Variants in C1QTNF7 observed in about 807,000 individuals in gnomAD.
The protein encoded by C1QTNF7 is complement C1q tumor necrosis factor-related protein 7.
In C1QTNF7, 15 loss-of-function variants were observed where a neutral mutation model predicts 19.6. That is an observed-to-expected ratio of 0.76 (90% CI 0.51 to 1.18). The LOEUF (loss-of-function observed/expected upper bound fraction) is 1.18, where lower values mean the gene tolerates loss of function less well. Among genes scored for constraint, C1QTNF7 ranks in the 50% most tolerant of loss-of-function variants. The probability of loss-of-function intolerance (pLI) is 0.00; values close to 1 mark genes in which losing one functional copy is unlikely to be tolerated. For synonymous variants in C1QTNF7, 142 were observed against 137.5 expected (o/e 1.03, Z -0.23); for missense variants, 324 against 359.7 (o/e 0.90, Z 0.80).
chr4:15,355,588 C>CA (rs966168522), intron 1 of C1QTNF7, among the ~76,000 whole-genome samples: 2,088 of 144,718 alleles, frequency 0.014, 131 homozygotes, highest in Admixed American at 0.1. Flanking sequence ...CTTTTCTCAT[C>CA]AAAAAAAAAA....
At chr4:15,382,924 G>A (rs1251867034) in intron 1 of C1QTNF7, among the ~76,000 whole-genome samples, 1 of 152,124 alleles carries the variant, frequency 6.6e-6, no homozygotes, top group Non-Finnish European at 1.5e-5. Flanking sequence ...CATGTTCATT[G>A]AACAAATACT....
At chr4:15,368,220 G>A (rs1162555480) in intron 1 of C1QTNF7, among the ~76,000 whole-genome samples, 5 of 152,002 alleles carry the variant, frequency 3.3e-5, no homozygotes, top group Admixed American at 6.6e-5. Flanking sequence ...AGAGTCACCC[G>A]TGTGGTTGGA....
Position 15,412,909 on chromosome 4 carries a change from T to A in C1QTNF7, c.14-22827T>A, listed in dbSNP as rs188199964. Among the ~76,000 whole-genome samples the A allele has an allele frequency of 5.3e-5, 8 of 152,316 alleles. No individual in the cohort carries two copies. The East Asian group carries it at 1.2e-3, about 22-fold the overall frequency. On this transcript the variant is annotated intron_variant, in intron 1 of 2. Coordinates refer to the C1QTNF7 transcript ENST00000295297. ...CAATCCCTCTCAGTTTTTGAGCCCC[T>A]AATACGTTCCACAGACTGTTCACCT... is the stretch of plus-strand genomic sequence containing the variant.
At position 15,435,889 on chromosome 4, in the gene C1QTNF7, A is replaced by G; in HGVS notation, c.146A>G (p.Asn49Ser). 3 of 1,613,972 alleles carry G rather than the reference A, an allele frequency of 1.9e-6. No homozygotes were observed. Among genetic ancestry groups the G allele is most frequent in the Non-Finnish European group, 2.5e-6 (3 of 1,179,978 alleles). ...GGACCTCCAGGGCCCCCTGGAGCAA[A>G]TGGTTCCCCTGGGCCCCATGGTCGC... ...LPGPPGPPGA[N>S]GSPGPHGRIG... The change falls in exon 2 of 3, where the codon AAT (asparagine) becomes AGT (serine). Residue 49 changes from asparagine (N) to serine (S), a missense_variant. Coordinates refer to ENST00000444304, the MANE Select transcript of C1QTNF7 (RefSeq NM_031911.5).
intron 1 of C1QTNF7, among the ~76,000 whole-genome samples, chr4:15,366,608 T>G (rs905015538): frequency 2.6e-5 from 4 of 152,188 alleles, no homozygotes; most frequent in Non-Finnish European, 5.9e-5. Context: ...CTTCCTTCTT[T>G]TTTTCCTTCC....
At chr4:15,391,268 C>T (rs1718546603) in intron 1 of C1QTNF7, among the ~76,000 whole-genome samples, 1 of 151,964 alleles carries the variant, frequency 6.6e-6, no homozygotes, top group Non-Finnish European at 1.5e-5. Flanking sequence ...GTAGAGAAGA[C>T]TCCTGGACTC....
intron 2 of C1QTNF7, among the ~76,000 whole-genome samples, chr4:15,436,944 G>C (rs1220594766): frequency 6.6e-6 from 1 of 152,178 alleles, no homozygotes; most frequent in Non-Finnish European, 1.5e-5. Flanking sequence ...TTCTGAATTT[G>C]CCATGCGGAT....
At chr4:15,363,393 C>T (rs758111564) in intron 1 of C1QTNF7, among the ~76,000 whole-genome samples, 2 of 152,120 alleles carry the variant, frequency 1.3e-5, no homozygotes, top group Non-Finnish European at 2.9e-5. Flanking sequence ...GTTCCTCCAT[C>T]CTGGTATGCA....
intron 1 of C1QTNF7, among the ~76,000 whole-genome samples, chr4:15,341,655 C>T (rs189972335): frequency 1.8e-4 from 28 of 152,302 alleles, no homozygotes; most frequent in African/African-American, 6.3e-4. Context: ...GCCTATAGAA[C>T]ATTAAGAAAG....
chr4:15,442,515 T>C lies in C1QTNF7; in HGVS notation c.586T>C (p.Ser196Pro). 1 of 1,614,204 alleles carries C rather than the reference T, an allele frequency of 6.2e-7. No individual in the cohort carries two copies. The highest frequency in any genetic ancestry group is 8.5e-7 in the Non-Finnish European group (1 of 1,180,028). Residue 196 changes from serine to proline, a missense_variant, in exon 3 of 3, where the codon TCT (serine) becomes CCT (proline). Coordinates refer to ENST00000444304, the MANE Select transcript of C1QTNF7 (RefSeq NM_031911.5). ...TGCTTTCCCAGGGATCTATTACTTT[T>C]CTTATGATATCACATTGGCTAATAA... The part of the protein sequence containing the change: ...ICAFPGIYYF[S>P]YDITLANKHL...
chr4:15,374,327 C>T (rs1487208582), intron 1 of C1QTNF7: 1 of 154,256 alleles, frequency 6.5e-6, no homozygotes, highest in East Asian at 1.9e-4. Flanking sequence ...CTTTGAAGAC[C>T]AGTCAGAGGT....
intron 1 of C1QTNF7, among the ~76,000 whole-genome samples, chr4:15,350,699 A>G (rs1716905564): frequency 6.6e-6 from 1 of 152,176 alleles, no homozygotes; most frequent in Non-Finnish European, 1.5e-5. Context: ...CCACATATTA[A>G]TAGGGCCATT....
At chr4:15,347,044 G>A (rs940047714) in intron 1 of C1QTNF7, among the ~76,000 whole-genome samples, 33 of 152,208 alleles carry the variant, frequency 2.2e-4, no homozygotes, top group African/African-American at 7.2e-4. Flanking sequence ...AAAAAAAATG[G>A]CAACTTTATA....
chr4:15,400,337 G>C (rs7665294), intron 1 of C1QTNF7, among the ~76,000 whole-genome samples: 1 of 152,112 alleles, frequency 6.6e-6, no homozygotes, highest in Non-Finnish European at 1.5e-5. Context: ...AGTGTAATCT[G>C]TCATAAATCA....
At chr4:15,379,686 C>G (rs1035215086) in intron 1 of C1QTNF7, among the ~76,000 whole-genome samples, 3 of 152,234 alleles carry the variant, frequency 2.0e-5, no homozygotes, top group Non-Finnish European at 4.4e-5. Flanking sequence ...GAATTTACTA[C>G]GAGTTTTTAA....
intron 1 of C1QTNF7, among the ~76,000 whole-genome samples, chr4:15,373,118 G>C (rs996654501): frequency 6.6e-6 from 1 of 152,176 alleles, no homozygotes; most frequent in African/African-American, 2.4e-5. Flanking sequence ...ATTTATTTCT[G>C]ACAGTTCTAG....
At chr4:15,408,870 G>A (rs1249461012) in intron 1 of C1QTNF7, among the ~76,000 whole-genome samples, 1 of 152,272 alleles carries the variant, frequency 6.6e-6, no homozygotes. Context: ...AAATTCATGT[G>A]TTGAAGCCCT....
At chr4:15,358,374 T>C (rs1717219817) in intron 1 of C1QTNF7, 1 of 152,208 alleles carries the variant, frequency 6.6e-6, no homozygotes, top group Non-Finnish European at 1.5e-5. Flanking sequence ...ATGGATTACA[T>C]TTATTGATTT....
chr4:15,424,454 G>A (rs985553255), upstream of C1QTNF7, among the ~76,000 whole-genome samples: 1 of 152,172 alleles, frequency 6.6e-6, no homozygotes, highest in African/African-American at 2.4e-5. Flanking sequence ...CTCTTTCGGG[G>A]TGAAGGTGTT....
Sources: gnomAD v4.1 joint callset for allele counts (sites outside exome capture counted in the v4.1 genomes callset) on GRCh38, gnomAD v4.1.1 for gene constraint, MANE v1.5 for transcripts, NCBI Gene and HGNC (gene_info 2026-07-23, HGNC 2026-07-21) for gene names.